Variants in PRAMEF9 observed in about 807,000 individuals in gnomAD.
PRAMEF9 encodes the protein PRAME family member 9/15.
A neutral mutation model predicts 10.9 loss-of-function variants in PRAMEF9; 1 was observed. The observed-to-expected ratio is 0.09, with a 90% CI of 0.03 to 0.44. The LOEUF (loss-of-function observed/expected upper bound fraction) is 0.44, where lower values mean the gene tolerates loss of function less well. Among genes scored for constraint, PRAMEF9 ranks in the 20% least tolerant of loss-of-function variants. PRAMEF9 has a pLI of 0.97. For missense variants in PRAMEF9, 126 were observed against 379.8 expected (o/e 0.33, Z 5.55); for synonymous variants, 40 against 148.3 (o/e 0.27, Z 5.31).
chr1:13,178,951 G>A lies in PRAMEF9; in HGVS notation c.1256G>A (p.Arg419Gln), dbSNP rs72474524. ...NLCVEVYPAP[R>Q]ESYGADGTLC... The stretch of plus-strand genomic sequence containing the variant: ...TGCGTGGAGGTGTATCCTGCCCCGC[G>A]GGAGAGTTATGGTGCTGATGGTACT... The change falls in exon 4 of 4, where the codon CGG (arginine) becomes CAG (glutamine). Residue 419 changes from arginine to glutamine, a missense_variant. Coordinates refer to ENST00000415919, the MANE Select transcript of PRAMEF9 (RefSeq NM_001010890.3). 0.62 allele frequency: 950,209 copies of A among 1,527,742 alleles called. 318,204 individuals carry two copies. The highest frequency in any genetic ancestry group is 0.64 in the Non-Finnish European group (709,668 of 1,115,922). 94.6% of individuals were successfully genotyped at this position (1,527,742 alleles called of 1,614,324 possible). A position where few individuals can be genotyped will look rare whatever the true frequency, so the allele number is the denominator to read the frequency against.
chr1:13,175,462 G>C lies in PRAMEF9; in HGVS notation c.182G>C (p.Trp61Ser). 1 of 1,528,384 alleles carries C rather than the reference G, an allele frequency of 6.5e-7. No homozygotes were observed. Among genetic ancestry groups the C allele is most frequent in the South Asian group, 1.1e-5 (1 of 88,584 alleles). 94.7% of individuals were successfully genotyped at this position (1,528,384 alleles called of 1,614,324 possible). A position where few individuals can be genotyped will look rare whatever the true frequency, so the allele number is the denominator to read the frequency against. Reference protein sequence around the residue: ...CEALKLMVQAWPFRRLPLRPL... With the variant: ...CEALKLMVQASPFRRLPLRPL... The stretch of plus-strand genomic sequence containing the variant: ...GCCCTGAAGCTGATGGTGCAGGCCT[G>C]GCCCTTCCGCCGCCTCCCTCTGAGG... The change falls in exon 2 of 4, where the codon TGG (tryptophan) becomes TCG (serine). Residue 61 changes from tryptophan (W) to serine (S), a missense_variant. Coordinates refer to ENST00000415919, the MANE Select transcript of PRAMEF9 (RefSeq NM_001010890.3).
intron 1 of PRAMEF9, chr1:13,172,781 C>A (rs1638342144): frequency 7.1e-6 from 1 of 141,084 alleles, no homozygotes; most frequent in African/African-American, 2.4e-5. Flanking sequence ...GCCTTTAACC[C>A]CAACACTTTG....
rs1638335078 is a variant in PRAMEF9 at position 13,172,440 on chromosome 1, A to G, written c.-109A>G. The stretch of plus-strand genomic sequence containing the variant: ...TAGAAAGGTCAATAAAAGCTTCTAA[A>G]GACCCACAGGAGAGACCCAAAGTCT... On this transcript the variant is annotated 5_prime_UTR_variant, in exon 1 of 4. Transcript: ENST00000415919. 7.0e-6 allele frequency: 1 copy of G among 142,160 alleles called. No individual in the cohort carries two copies. The highest frequency in any genetic ancestry group is 2.5e-5 in the African/African-American group (1 of 40,804). The allele number at this position is 142,160 out of a possible 1,614,324, so 8.8% of individuals were successfully genotyped here.
chr1:13,172,946 C>A (rs1382207127), intron 1 of PRAMEF9: 32 of 134,956 alleles, frequency 2.4e-4, no homozygotes, highest in African/African-American at 7.7e-4. Context: ...GATCTCAACT[C>A]CCTGCAACCT....
At chr1:13,172,675 G>A (rs878950246) in intron 1 of PRAMEF9, 143 bp downstream of exon 1, 2 of 127,106 alleles carry the variant, frequency 1.6e-5, no homozygotes, top group African/African-American at 2.5e-5. Context: ...AGCTTTGAAT[G>A]TTTTCCTCTA....
rs1638331827 is a variant in PRAMEF9, at chr1:13,172,276, A to T, written c.-273A>T. ...TGTGATATGAATGGACATCTGATTC[A>T]ATCCATTAATCTGGGGAGAGCCAAA... On this transcript the variant is annotated 5_prime_UTR_variant, in exon 1 of 4. Coordinates refer to ENST00000415919, the MANE Select transcript of PRAMEF9 (RefSeq NM_001010890.3). 7.0e-6 allele frequency: 1 copy of T among 143,358 alleles called. No homozygotes were observed. The highest frequency in any genetic ancestry group is 2.4e-5 in the African/African-American group (1 of 40,968). 8.9% of individuals were successfully genotyped at this position (143,358 alleles called of 1,614,324 possible). A position where few individuals can be genotyped will look rare whatever the true frequency, so the allele number is the denominator to read the frequency against.
chr1:13,177,298 CT>C (rs1362820148), intron 3 of PRAMEF9: 147 of 52,730 alleles, frequency 2.8e-3, no homozygotes, highest in South Asian at 0.012. Context: ...AACAAGATAA[CT>C]TTTTTTTTTT....
At position 13,171,908 on chromosome 1, in the gene PRAMEF9, C is replaced by T. The variant is rs1384578465; in HGVS notation, c.-641C>T. ...TTTTTTTTTTTTTTTTTAAATCTAG[C>T]CTATTTCCCAGGCTGGAGTTCAGTG... is the stretch of plus-strand genomic sequence containing the variant. On this transcript the variant is annotated 5_prime_UTR_variant, in exon 1 of 4. Transcript: ENST00000415919. 1 of 134,894 alleles carries T rather than the reference C, an allele frequency of 7.4e-6. No individual in the cohort carries two copies. 8.4% of individuals were successfully genotyped at this position (134,894 alleles called of 1,614,324 possible). A position where few individuals can be genotyped will look rare whatever the true frequency, so the allele number is the denominator to read the frequency against.
chr1:13,178,949 G>T lies in PRAMEF9; in HGVS notation c.1254G>T (p.Pro418=), dbSNP rs535726805. ...KNLCVEVYPA[P]RESYGADGTL... ...TATGCGTGGAGGTGTATCCTGCCCC[G>T]CGGGAGAGTTATGGTGCTGATGGTA... Residue 418 remains proline (P), a synonymous_variant, in exon 4 of 4, where the codon CCG becomes CCT. Coordinates refer to ENST00000415919, the MANE Select transcript of PRAMEF9 (RefSeq NM_001010890.3). 6.5e-6 allele frequency: 10 copies of T among 1,534,182 alleles called. 2 individuals are homozygous for T. Among genetic ancestry groups the T allele is most frequent in the Non-Finnish European group, 8.9e-6 (10 of 1,119,912 alleles).
intron 3 of PRAMEF9, 184 bp from the exon 4 acceptor site, chr1:13,178,387 G>A (rs1259950657): frequency 1.7e-5 from 7 of 407,494 alleles, no homozygotes; most frequent in Non-Finnish European, 2.5e-5. Context: ...CGGCTCTAAG[G>A]TGGAATTGAC....
At position 13,172,289 on chromosome 1, in the gene PRAMEF9, G is replaced by C; in HGVS notation, c.-260G>C. The C allele has an allele frequency of 7.2e-6, 1 of 138,874 alleles. No individual in the cohort carries two copies. Among genetic ancestry groups the C allele is most frequent in the Non-Finnish European group, 1.6e-5 (1 of 61,268 alleles). The allele number at this position is 138,874 out of a possible 1,614,324, so 8.6% of individuals were successfully genotyped here. A position where few individuals can be genotyped will look rare whatever the true frequency, so the allele number is the denominator to read the frequency against. The stretch of plus-strand genomic sequence containing the variant: ...GACATCTGATTCAATCCATTAATCT[G>C]GGGAGAGCCAAAAACCCAATCAGGA... On this transcript the variant is annotated 5_prime_UTR_variant, in exon 1 of 4. Transcript: ENST00000415919.
intron 1 of PRAMEF9, chr1:13,175,034 AG>A (rs1281698983): frequency 1.4e-5 from 7 of 505,764 alleles, no homozygotes; most frequent in African/African-American, 1.3e-4. Context: ...AGCACTGGAT[AG>A]AAAGGAAGGG....
In PRAMEF9 at chr1:13,178,962, G is replaced by C. The variant is rs782640766; in HGVS notation, c.1267G>C (p.Gly423Arg). 1.3e-6 allele frequency: 2 copies of C among 1,538,720 alleles called. No individual in the cohort carries two copies. Among genetic ancestry groups the C allele is most frequent in the Non-Finnish European group, 1.8e-6 (2 of 1,121,866 alleles). ...GTATCCTGCCCCGCGGGAGAGTTAT[G>C]GTGCTGATGGTACTCTCTGCTGGAG... is the stretch of plus-strand genomic sequence containing the variant. ...EVYPAPRESY[G>R]ADGTLCWSRF... The change falls in exon 4 of 4, where the codon GGT becomes CGT. Residue 423 changes from glycine (G) to arginine (R), a missense_variant. Coordinates refer to ENST00000415919, the MANE Select transcript of PRAMEF9 (RefSeq NM_001010890.3).
rs188742614 is a variant in PRAMEF9, at chr1:13,179,030, G to T, written c.1335G>T (p.Arg445Ser). Residue 445 changes from arginine to serine, a missense_variant, in exon 4 of 4, where the codon AGG becomes AGT. Arg to Ser is a moderately radical substitution (Grantham distance 110, BLOSUM62 -1). Coordinates refer to ENST00000415919, the MANE Select transcript of PRAMEF9 (RefSeq NM_001010890.3). ...QIRAELMNRVRDLRHPKRIFF... is the reference protein window; with the variant it reads ...QIRAELMNRVSDLRHPKRIFF... ...GGGCTGAGCTGATGAACAGAGTGAG[G>T]GACTTAAGGCACCCCAAGAGGATCT... The T allele has an allele frequency of 5.2e-4, 808 of 1,540,560 alleles. 118 individuals are homozygous for T. The Admixed American group carries it at 0.013, about 25-fold the overall frequency.
chr1:13,172,324 T>C lies in PRAMEF9; in HGVS notation c.-225T>C, dbSNP rs1203264129. The C allele has an allele frequency of 1.1e-4, 2 of 17,940 alleles. 1 individual carries two copies. The highest frequency in any genetic ancestry group is 2.0e-4 in the Non-Finnish European group (2 of 9,830). The allele number at this position is 17,940 out of a possible 1,614,324, so 1.1% of individuals were successfully genotyped here. A position where few individuals can be genotyped will look rare whatever the true frequency, so the allele number is the denominator to read the frequency against. Reference sequence around the variant, plus strand: ...AAAAACCCAATCAGGATTACCTGGGTGGAGTGGAGCTTCACAAATGCAATC... The same window carrying C: ...AAAAACCCAATCAGGATTACCTGGGCGGAGTGGAGCTTCACAAATGCAATC... On this transcript the variant is annotated 5_prime_UTR_variant, in exon 1 of 4. Coordinates refer to ENST00000415919, the MANE Select transcript of PRAMEF9 (RefSeq NM_001010890.3).
chr1:13,172,057 T>A lies in PRAMEF9; in HGVS notation c.-492T>A, dbSNP rs1638324534. ...AACTGGCTAATTTTTGTAATTTTAG[T>A]AGAGGTAGGGTTTTACCATGTTGGC... On this transcript the variant is annotated 5_prime_UTR_variant, in exon 1 of 4. Transcript: ENST00000415919. 7.0e-6 allele frequency: 1 copy of A among 143,254 alleles called. No individual in the cohort carries two copies. The highest frequency in any genetic ancestry group is 2.4e-5 in the African/African-American group (1 of 40,870). 8.9% of individuals were successfully genotyped at this position (143,254 alleles called of 1,614,324 possible). A position where few individuals can be genotyped will look rare whatever the true frequency, so the allele number is the denominator to read the frequency against.
intron 1 of PRAMEF9, 80 bp from the exon 2 acceptor site, chr1:13,175,185 A>C (rs1638362473): frequency 1.5e-6 from 2 of 1,355,718 alleles, no homozygotes; most frequent in Admixed American, 1.9e-5. Context: ...CAGAGCAGTG[A>C]GTTTGGCCAT....
chr1:13,172,344 G>C lies in PRAMEF9; in HGVS notation c.-205G>C, dbSNP rs1638333589. On this transcript the variant is annotated 5_prime_UTR_variant, in exon 1 of 4. An upstream start codon of the reference 5' UTR is lost. Transcript: ENST00000415919. Reference sequence around the variant, plus strand: ...CTGGGTGGAGTGGAGCTTCACAAATGCAATCAGATATCATTTTTTGATTGG... The same window carrying C: ...CTGGGTGGAGTGGAGCTTCACAAATCCAATCAGATATCATTTTTTGATTGG... The C allele has an allele frequency of 6.9e-6, 1 of 144,482 alleles. No individual in the cohort carries two copies. The highest frequency in any genetic ancestry group is 2.2e-4 in the South Asian group (1 of 4,576). The allele number at this position is 144,482 out of a possible 1,614,324, so 9.0% of individuals were successfully genotyped here. A position where few individuals can be genotyped will look rare whatever the true frequency, so the allele number is the denominator to read the frequency against.
In PRAMEF9 at chr1:13,175,146, G is replaced by A. The variant is rs1251200667; in HGVS notation, c.-16-119G>A. 5.0e-6 allele frequency: 6 copies of A among 1,210,204 alleles called. 1 individual carries two copies. Among genetic ancestry groups the A allele is most frequent in the Non-Finnish European group, 5.9e-6 (5 of 842,820 alleles). 75.0% of individuals were successfully genotyped at this position (1,210,204 alleles called of 1,614,324 possible). ...GGCCACTGAGTACAGAGTAGAATTGGAGTAAACTGAGGGCTGTTTCACCAT... is the reference window on the plus strand; with the variant it reads ...GGCCACTGAGTACAGAGTAGAATTGAAGTAAACTGAGGGCTGTTTCACCAT... On this transcript the variant is annotated intron_variant, in intron 1 of 3. Transcript: ENST00000415919.
Sources: gnomAD v4.1 joint callset for allele counts on GRCh38, gnomAD v4.1.1 for gene constraint, MANE v1.5 for transcripts, NCBI Gene and HGNC (gene_info 2026-07-23, HGNC 2026-07-21) for gene names.